ELMO1: variants seen among roughly 807,000 people sequenced by gnomAD.
ELMO1 encodes engulfment and cell motility protein 1.
Under a neutral mutation model 98.9 loss-of-function variants are expected in ELMO1, and 26 were observed. The observed-to-expected ratio is 0.26, with a 90% CI of 0.19 to 0.36. The LOEUF (loss-of-function observed/expected upper bound fraction) is 0.36. Ranked by LOEUF, ELMO1 falls within the 10% of genes least tolerant of loss-of-function variation. ELMO1 has a pLI of 1.00. For synonymous variants in ELMO1, 346 were observed against 346.0 expected, an observed-to-expected ratio of 1.00 and a Z score of 0.00; for missense variants, 627 against 935.2, an observed-to-expected ratio of 0.67 and a Z score of 4.30.
intron 16 of ELMO1, among the ~76,000 whole-genome samples, chr7:36,940,407 T>A (rs1786928046): frequency 6.6e-6 from 1 of 152,210 alleles, no homozygotes. Context: ...CTACCAAAGC[T>A]CCTCTGAGGC....
At chr7:36,916,646 A>G (rs1784711811) in intron 16 of ELMO1, among the ~76,000 whole-genome samples, 1 of 152,236 alleles carries the variant, frequency 6.6e-6, no homozygotes, top group Admixed American at 6.5e-5. Context: ...AAAACCAAGA[A>G]GGCAACACTT....
chr7:37,316,790 G>C (rs1212965721), intron 2 of ELMO1, among the ~76,000 whole-genome samples: 1 of 152,166 alleles, frequency 6.6e-6, no homozygotes, highest in East Asian at 1.9e-4. Context: ...AGAAATCAGA[G>C]ATGGACAATA....
chr7:36,856,803 T>C (rs1802229576), intron 21 of ELMO1, among the ~76,000 whole-genome samples: 2 of 152,208 alleles, frequency 1.3e-5, no homozygotes, highest in South Asian at 2.1e-4. Flanking sequence ...TAGTCCTATA[T>C]AGGATTCTAT....
At position 36,974,604 on chromosome 7, in the gene ELMO1, C is replaced by CAAAACAGACCAT. The variant is rs201228605; in HGVS notation, c.1437+38694_1437+38695insATGGTCTGTTTT. ...GTAAACGCACCAATCAGCGCCCTGT[C>CAAAACAGACCAT]AAAACAGACCACTCGGCTCTACCAA... is the stretch of plus-strand genomic sequence containing the variant. On this transcript the variant is annotated intron_variant, in intron 16 of 21. Coordinates refer to ENST00000310758, the MANE Select transcript of ELMO1 (RefSeq NM_014800.11). Among the ~76,000 whole-genome samples the CAAAACAGACCAT allele has an allele frequency of 8.0e-3, 1,218 of 152,116 alleles. 19 individuals are homozygous for CAAAACAGACCAT. Among genetic ancestry groups the CAAAACAGACCAT allele is most frequent in the African/African-American group, 0.028 (1,140 of 41,410 alleles).
At chr7:37,268,907 A>T (rs921752437) in intron 5 of ELMO1, among the ~76,000 whole-genome samples, 5 of 152,378 alleles carry the variant, frequency 3.3e-5, no homozygotes, top group African/African-American at 1.2e-4. Flanking sequence ...CAGCATAGCT[A>T]CACGTTACAT....
intron 16 of ELMO1, among the ~76,000 whole-genome samples, chr7:36,979,276 T>C (rs977992816): frequency 2.0e-5 from 3 of 152,214 alleles, no homozygotes; most frequent in African/African-American, 7.2e-5. Context: ...TCCCCTCCCA[T>C]ACATATTATA....
intron 13 of ELMO1, among the ~76,000 whole-genome samples, chr7:37,174,444 G>A (rs1037219015): frequency 2.0e-5 from 3 of 152,140 alleles, no homozygotes; most frequent in African/African-American, 4.8e-5. Flanking sequence ...CTAAACAGCC[G>A]ACGCAGGCAT....
intron 13 of ELMO1, among the ~76,000 whole-genome samples, chr7:37,198,405 T>G (rs1272643474): frequency 1.3e-5 from 2 of 152,218 alleles, no homozygotes; most frequent in Non-Finnish European, 1.5e-5. Context: ...TTACTAAAAC[T>G]GGCTCCATGC....
intron 7 of ELMO1, among the ~76,000 whole-genome samples, chr7:37,239,204 C>T (rs980401222): frequency 1.3e-5 from 2 of 151,866 alleles, no homozygotes; most frequent in Non-Finnish European, 2.9e-5. Flanking sequence ...CTCGCTCTGT[C>T]GCCCAGGCTG....
intron 17 of ELMO1, among the ~76,000 whole-genome samples, chr7:36,894,467 G>A (rs559794472): frequency 6.6e-4 from 100 of 152,294 alleles, no homozygotes; most frequent in African/African-American, 2.3e-3. Flanking sequence ...TTTAATGAAT[G>A]GGCCTCACTC....
chr7:36,933,956 T>C (rs914627831), intron 16 of ELMO1, among the ~76,000 whole-genome samples: 4 of 152,192 alleles, frequency 2.6e-5, no homozygotes, highest in Non-Finnish European at 4.4e-5. Context: ...AAGCCTTTTT[T>C]GTTTTGTTTT....
intron 1 of ELMO1, among the ~76,000 whole-genome samples, chr7:37,437,129 C>G (rs1805184715): frequency 1.3e-5 from 2 of 152,164 alleles, no homozygotes; most frequent in African/African-American, 4.8e-5. Flanking sequence ...AAACCCAGTT[C>G]AACTGAATGA....
intron 15 of ELMO1, among the ~76,000 whole-genome samples, chr7:37,029,612 G>T (rs1794765408): frequency 6.6e-6 from 1 of 152,076 alleles, no homozygotes; most frequent in Non-Finnish European, 1.5e-5. Flanking sequence ...CAGACATCCT[G>T]GAAGGGAATC....
At chr7:37,216,927 T>C (rs1381406657) in intron 10 of ELMO1, among the ~76,000 whole-genome samples, 2 of 152,206 alleles carry the variant, frequency 1.3e-5, no homozygotes, top group African/African-American at 4.8e-5. Flanking sequence ...ACCTGCAAAC[T>C]TCTTTTCTTT....
intron 15 of ELMO1, among the ~76,000 whole-genome samples, chr7:37,023,695 C>T (rs1027408945): frequency 6.6e-6 from 1 of 152,212 alleles, no homozygotes; most frequent in African/African-American, 2.4e-5. Flanking sequence ...GCAACCCCCG[C>T]ATCCTGGATT....
At chr7:37,140,467 G>A (rs1393430961) in intron 13 of ELMO1, among the ~76,000 whole-genome samples, 3 of 151,828 alleles carry the variant, frequency 2.0e-5, no homozygotes. Flanking sequence ...CTAGCCATTG[G>A]CTTAGGCAAA....
At chr7:36,873,453 A>G (rs946787865) in intron 19 of ELMO1, among the ~76,000 whole-genome samples, 9 of 152,178 alleles carry the variant, frequency 5.9e-5, no homozygotes, top group African/African-American at 1.9e-4. Context: ...CCCTCCCACC[A>G]CATTTACCCC....
At chr7:36,950,594 T>C (rs1375154497) in intron 16 of ELMO1, among the ~76,000 whole-genome samples, 2 of 152,224 alleles carry the variant, frequency 1.3e-5, no homozygotes, top group Non-Finnish European at 2.9e-5. Flanking sequence ...CAATTATACA[T>C]CTTTAATCAA....
At chr7:37,039,009 T>C (rs1253859708) in intron 15 of ELMO1, among the ~76,000 whole-genome samples, 1 of 152,210 alleles carries the variant, frequency 6.6e-6, no homozygotes, top group Non-Finnish European at 1.5e-5. Flanking sequence ...CTTCAAAATA[T>C]ACATTTGGAG....
Sources: allele counts gnomAD v4.1 joint callset (sites outside exome capture counted in the v4.1 genomes callset), GRCh38; gene constraint gnomAD v4.1.1; transcripts MANE v1.5; gene names NCBI Gene and HGNC (gene_info 2026-07-23, HGNC 2026-07-21).